The following RALA variants were observed in gnomAD, a reference collection of about 807,000 sequenced individuals.
The protein encoded by RALA is RAS like proto-oncogene A, also known as ras-related protein Ral-A.
A neutral mutation model predicts 24.0 loss-of-function variants in RALA; 5 were observed. The ratio of observed to expected loss-of-function variants is 0.21; its 90% confidence interval spans 0.11 to 0.44. RALA has a LOEUF of 0.44. Among genes scored for constraint, RALA ranks in the 20% least tolerant of loss-of-function variants. The pLI is 0.99. For synonymous variants in RALA, 77 were observed against 83.8 expected, an observed-to-expected ratio of 0.92 and a Z score of 0.44; for missense variants, 95 against 241.2, an observed-to-expected ratio of 0.39 and a Z score of 4.01.
At chr7:39,705,043 C>G (rs1431192928) in intron 4 of RALA, among the ~76,000 whole-genome samples, 1 of 152,190 alleles carries the variant, frequency 6.6e-6, no homozygotes, top group Non-Finnish European at 1.5e-5. Flanking sequence ...AAGATACACT[C>G]AGAGATGCCT....
chr7:39,686,806 C>A, intron 2 of RALA, 25 bp downstream of exon 2: 2 of 1,536,896 alleles, frequency 1.3e-6, no homozygotes, highest in South Asian at 1.1e-5. Context: ...TATAATGGAT[C>A]AAAGTTTAGG....
chr7:39,694,012 A>C (rs1792875264), intron 3 of RALA, among the ~76,000 whole-genome samples: 1 of 152,214 alleles, frequency 6.6e-6, no homozygotes, highest in Non-Finnish European at 1.5e-5. Flanking sequence ...GAATGAAGTA[A>C]TAATAATAGT....
intron 1 of RALA, among the ~76,000 whole-genome samples, chr7:39,628,406 C>CAT: frequency 6.6e-6 from 1 of 151,544 alleles, no homozygotes; most frequent in East Asian, 1.9e-4. Context: ...CACACACACA[C>CAT]ACACACATTC....
intron 1 of RALA, among the ~76,000 whole-genome samples, chr7:39,639,875 C>A (rs756902055): frequency 5.3e-5 from 8 of 152,086 alleles, no homozygotes; most frequent in Non-Finnish European, 1.2e-4. Flanking sequence ...TTAGACATGC[C>A]TGTGAACCTC....
chr7:39,701,572 C>G (rs1793027821), intron 4 of RALA, among the ~76,000 whole-genome samples: 1 of 152,140 alleles, frequency 6.6e-6, no homozygotes, highest in Admixed American at 6.5e-5. Flanking sequence ...TTATGTCATC[C>G]ACTACTAGAA....
At chr7:39,645,914 A>G (rs949993545) in intron 1 of RALA, among the ~76,000 whole-genome samples, 1 of 152,160 alleles carries the variant, frequency 6.6e-6, no homozygotes. Flanking sequence ...AGGTGTCAGG[A>G]GGTTGTAGGC....
intron 1 of RALA, among the ~76,000 whole-genome samples, chr7:39,669,387 G>A (rs1190929156): frequency 2.0e-5 from 3 of 152,122 alleles, no homozygotes; most frequent in Non-Finnish European, 2.9e-5. Context: ...AAATCCAGAA[G>A]CATACCAAAA....
At chr7:39,627,916 C>A (rs1036142123) in intron 1 of RALA, among the ~76,000 whole-genome samples, 1 of 152,186 alleles carries the variant, frequency 6.6e-6, no homozygotes, top group African/African-American at 2.4e-5. Flanking sequence ...ATCTCATATA[C>A]AAAACCTTCA....
intron 1 of RALA, among the ~76,000 whole-genome samples, chr7:39,645,603 G>C (rs1233417663): frequency 6.6e-6 from 1 of 152,144 alleles, no homozygotes; most frequent in Non-Finnish European, 1.5e-5. Flanking sequence ...AGACAGTGTG[G>C]TATAGTGACA....
At position 39,666,568 on chromosome 7, in the gene RALA, A is replaced by G. The variant is rs147269716; in HGVS notation, c.-37-20063A>G. ...TAAAAAGTGACATTCGCAATGCCTTACTTATACAGGAAGGATCTTAACAGT... is the reference window on the plus strand; with the variant it reads ...TAAAAAGTGACATTCGCAATGCCTTGCTTATACAGGAAGGATCTTAACAGT... On this transcript the variant is annotated intron_variant, in intron 1 of 4. Coordinates refer to ENST00000005257, the MANE Select transcript of RALA (RefSeq NM_005402.4). Among the ~76,000 whole-genome samples, 307 of 152,356 alleles carry G rather than the reference A, an allele frequency of 2.0e-3. 1 individual carries two copies. The highest frequency in any genetic ancestry group is 6.9e-3 in the African/African-American group (289 of 41,588).
At position 39,685,044 on chromosome 7, in the gene RALA, T is replaced by G. The variant is rs544067652; in HGVS notation, c.-37-1587T>G. Among the ~76,000 whole-genome samples, 574 of 152,322 alleles carry G rather than the reference T, an allele frequency of 3.8e-3. 3 individuals are homozygous for G. The highest frequency in any genetic ancestry group is 0.013 in the African/African-American group (557 of 41,564). ...GTTGGTGCAAAAGTAATTGCGGTTT[T>G]GCCATTGAAAGTAATGGCCAAAACC... On this transcript the variant is annotated intron_variant, in intron 1 of 4. Transcript: ENST00000005257.
intron 1 of RALA, among the ~76,000 whole-genome samples, chr7:39,638,631 A>T (rs1791726347): frequency 6.6e-6 from 1 of 151,716 alleles, no homozygotes. Context: ...TTTTTTGTAG[A>T]TATAGGGTTC....
chr7:39,637,112 G>A (rs192120644), intron 1 of RALA, among the ~76,000 whole-genome samples: 2 of 152,180 alleles, frequency 1.3e-5, no homozygotes, highest in Admixed American at 1.3e-4. Flanking sequence ...ATGTTTAAGA[G>A]TAATGAAGGG....
At chr7:39,688,863 T>G (rs187929716) in intron 2 of RALA, among the ~76,000 whole-genome samples, 1 of 152,256 alleles carries the variant, frequency 6.6e-6, no homozygotes, top group Admixed American at 6.5e-5. Flanking sequence ...TTCCACAGGC[T>G]TAACAGGAAG....
intron 1 of RALA, among the ~76,000 whole-genome samples, chr7:39,679,616 T>C (rs930672037): frequency 6.6e-6 from 1 of 152,212 alleles, no homozygotes; most frequent in East Asian, 1.9e-4. Context: ...AAGTGCAGTA[T>C]AGCTTTTTAT....
At chr7:39,669,537 C>T (rs992644730) in intron 1 of RALA, among the ~76,000 whole-genome samples, 2 of 152,052 alleles carry the variant, frequency 1.3e-5, no homozygotes, top group African/African-American at 4.8e-5. Flanking sequence ...GTGGGCCAGG[C>T]ACGGTGGCTT....
chr7:39,691,088 G>A (rs1792809976), intron 3 of RALA, among the ~76,000 whole-genome samples: 1 of 152,152 alleles, frequency 6.6e-6, no homozygotes, highest in Non-Finnish European at 1.5e-5. Flanking sequence ...CCTTCAGAAT[G>A]AATGAATTTT....
intron 1 of RALA, among the ~76,000 whole-genome samples, chr7:39,635,780 T>A (rs534545596): frequency 6.6e-6 from 1 of 152,274 alleles, no homozygotes; most frequent in South Asian, 2.1e-4. Flanking sequence ...CCACCACTGA[T>A]CTGACAGGAG....
intron 1 of RALA, among the ~76,000 whole-genome samples, chr7:39,682,581 TACTCTCCAGTCATTC>T (rs1792624348): frequency 6.6e-6 from 1 of 152,232 alleles, no homozygotes; most frequent in Non-Finnish European, 1.5e-5. Flanking sequence ...TACCTCCTCT[TACTCTCCAGTCATTC>T]ACTAAGTGCT....
Sources: allele counts gnomAD v4.1 joint callset (sites outside exome capture counted in the v4.1 genomes callset), GRCh38; gene constraint gnomAD v4.1.1; transcripts MANE v1.5; gene names NCBI Gene and HGNC (gene_info 2026-07-23, HGNC 2026-07-21).